Variants in NOTCH2NLC observed in about 807,000 individuals in gnomAD.
The protein encoded by NOTCH2NLC is notch 2 N-terminal like C, also known as notch homolog 2 N-terminal-like protein C.
NOTCH2NLC carries 4 observed loss-of-function variants against 17.7 expected under a neutral mutation model. The ratio of observed to expected loss-of-function variants is 0.23; its 90% CI spans 0.11 to 0.52. NOTCH2NLC has a LOEUF of 0.52. Ranked by LOEUF, NOTCH2NLC falls within the 20% of genes least tolerant of loss-of-function variation. NOTCH2NLC has a pLI of 0.96. For missense variants in NOTCH2NLC, 57 were observed against 207.2 expected, an observed-to-expected ratio of 0.28 and a Z score of 4.45; for synonymous variants, 18 against 86.0, an observed-to-expected ratio of 0.21 and a Z score of 4.38.
rs1157533235 is a variant in NOTCH2NLC, at chr1:149,430,661, T to C, written c.136-281T>C. 6.9e-3 allele frequency among the ~76,000 whole-genome samples: 1,025 copies of C among 148,766 alleles called. 20 individuals carry two copies. The highest frequency in any genetic ancestry group is 0.011 in the Non-Finnish European group (724 of 66,776). Reference sequence around the variant, plus strand: ...TGTCATAGATGGTATGGCTTTAATTTTTAATTGGGAGATGGAGATGTAACA... The same window carrying C: ...TGTCATAGATGGTATGGCTTTAATTCTTAATTGGGAGATGGAGATGTAACA... On this transcript the variant is annotated intron_variant, in intron 1 of 4. Coordinates refer to ENST00000650865, the MANE Select transcript of NOTCH2NLC (RefSeq NM_001364013.2).
intron 1 of NOTCH2NLC, among the ~76,000 whole-genome samples, chr1:149,430,508 T>C (rs1308573885): frequency 3.4e-5 from 5 of 147,584 alleles, no homozygotes; most frequent in Non-Finnish European, 6.0e-5. Context: ...TTTTAAAACT[T>C]CACCTGAAGG....
At chr1:149,412,769 C>T (rs1190838207) in intron 1 of NOTCH2NLC, among the ~76,000 whole-genome samples, 16 of 120,690 alleles carry the variant, frequency 1.3e-4, no homozygotes, top group Admixed American at 3.5e-4. Flanking sequence ...GCTGAGATCA[C>T]GCCATTGCAC....
chr1:149,413,740 T>A (rs1286943610), intron 1 of NOTCH2NLC, among the ~76,000 whole-genome samples: 1 of 151,204 alleles, frequency 6.6e-6, no homozygotes, highest in East Asian at 2.0e-4. Flanking sequence ...TTTTGCTAGA[T>A]CATATATCTT....
chr1:149,400,112 T>TATATATA (rs2084234324), intron 1 of NOTCH2NLC, among the ~76,000 whole-genome samples: 7 of 138,764 alleles, frequency 5.0e-5, no homozygotes, highest in Admixed American at 3.6e-4. Context: ...GTTGATTTAT[T>TATATATA]TATATATATA....
chr1:149,446,498 C>CTT (rs1244683865), intron 2 of NOTCH2NLC, among the ~76,000 whole-genome samples: 1 of 142,380 alleles, frequency 7.0e-6, no homozygotes. Context: ...AGAAATGACA[C>CTT]TTTTTTTTTT....
rs1399369495 is a variant in NOTCH2NLC at position 149,471,363 on chromosome 1, C to T, written c.*7210C>T. Among the ~76,000 whole-genome samples, 1 of 149,336 alleles carries T rather than the reference C, an allele frequency of 6.7e-6. No individual in the cohort carries two copies. Among genetic ancestry groups the T allele is most frequent in the Non-Finnish European group, 1.5e-5 (1 of 67,152 alleles). On this transcript the variant is annotated 3_prime_UTR_variant, in exon 5 of 5. Coordinates refer to ENST00000650865, the MANE Select transcript of NOTCH2NLC (RefSeq NM_001364013.2). ...TTTATTTTTTCTTTTGTTGCTTGTG[C>T]TTTCAGTCATATTTGTGAAAACTTT... is the stretch of plus-strand genomic sequence containing the variant.
intron 1 of NOTCH2NLC, among the ~76,000 whole-genome samples, chr1:149,427,383 TGCCTTATTTCACTTA>T (rs1463648738): frequency 1.3e-5 from 2 of 149,282 alleles, no homozygotes; most frequent in Non-Finnish European, 3.0e-5. Context: ...TGTCTTCCTG[TGCCTTATTTCACTTA>T]GCATAATGTT....
intron 2 of NOTCH2NLC, among the ~76,000 whole-genome samples, chr1:149,445,901 TAAAAAAA>T (rs1182076544): frequency 1.7e-4 from 12 of 72,616 alleles, no homozygotes; most frequent in African/African-American, 4.3e-4. Context: ...ATCCTCGTTT[TAAAAAAA>T]AAAAAAAAAA....
chr1:149,426,874 A>T lies in NOTCH2NLC; in HGVS notation c.136-4068A>T, dbSNP rs1187250587. Among the ~76,000 whole-genome samples the T allele has an allele frequency of 1.5e-3, 223 of 150,830 alleles. 4 individuals are homozygous for T. Among genetic ancestry groups the T allele is most frequent in the African/African-American group, 5.0e-3 (206 of 41,238 alleles). The stretch of plus-strand genomic sequence containing the variant: ...TTGGAAAAAAGTAAATTGAATTTTG[A>T]AATGAGATCTGTCCCGGTCTCACTT... On this transcript the variant is annotated intron_variant, in intron 1 of 4. Coordinates refer to ENST00000650865, the MANE Select transcript of NOTCH2NLC (RefSeq NM_001364013.2).
At chr1:149,429,496 G>T (rs2084432043) in intron 1 of NOTCH2NLC, among the ~76,000 whole-genome samples, 1 of 150,394 alleles carries the variant, frequency 6.6e-6, no homozygotes, top group South Asian at 2.1e-4. Flanking sequence ...TCTAAGGGTT[G>T]TTGTGAAGAT....
At chr1:149,429,813 G>T (rs1209462937) in intron 1 of NOTCH2NLC, among the ~76,000 whole-genome samples, 7,742 of 146,620 alleles carry the variant, frequency 0.053, 305 homozygotes, top group African/African-American at 0.066. Context: ...AGTGGTGTGG[G>T]TAGAGGAAAC....
intron 2 of NOTCH2NLC, among the ~76,000 whole-genome samples, chr1:149,432,194 TATCCA>T (rs1327828808): frequency 6.9e-6 from 1 of 144,276 alleles, no homozygotes. Context: ...TAAGTGAGTT[TATCCA>T]ACACATTTTT....
chr1:149,416,772 G>A (rs2084337749), intron 1 of NOTCH2NLC, among the ~76,000 whole-genome samples: 1 of 149,056 alleles, frequency 6.7e-6, no homozygotes, highest in South Asian at 2.2e-4. Flanking sequence ...AGTGTAGTAT[G>A]TTGAATCCTA....
chr1:149,393,069 CAAAAAAA>C (rs1158506660), intron 1 of NOTCH2NLC, among the ~76,000 whole-genome samples: 1,045 of 43,022 alleles, frequency 0.024, 16 homozygotes, highest in Non-Finnish European at 0.039. Flanking sequence ...GACTCCGTCT[CAAAAAAA>C]AAAAAAAAAA....
At chr1:149,435,890 C>A (rs1371153908) in intron 2 of NOTCH2NLC, among the ~76,000 whole-genome samples, 6 of 148,870 alleles carry the variant, frequency 4.0e-5, no homozygotes, top group Admixed American at 6.7e-5. Flanking sequence ...TGGGGTGTAC[C>A]TTCACGATAA....
intron 1 of NOTCH2NLC, among the ~76,000 whole-genome samples, chr1:149,396,065 T>C (rs1371243894): frequency 2.6e-5 from 4 of 150,996 alleles, no homozygotes; most frequent in African/African-American, 9.7e-5. Flanking sequence ...TGACTCCTGC[T>C]TTCCCACCTT....
chr1:149,446,817 TGAGA>T (rs1394448036), intron 2 of NOTCH2NLC, among the ~76,000 whole-genome samples: 1 of 110,048 alleles, frequency 9.1e-6, no homozygotes, highest in Non-Finnish European at 1.9e-5. Flanking sequence ...TAGAAGTCAC[TGAGA>T]GACATTGAAG....
chr1:149,398,915 C>T (rs2084227745), intron 1 of NOTCH2NLC, among the ~76,000 whole-genome samples: 1 of 152,176 alleles, frequency 6.6e-6, no homozygotes, highest in Admixed American at 6.5e-5. Flanking sequence ...CAGGTTGGAT[C>T]TATGGGTGTT....
chr1:149,414,316 G>A (rs1372167689), intron 1 of NOTCH2NLC, among the ~76,000 whole-genome samples: 1 of 150,172 alleles, frequency 6.7e-6, no homozygotes, highest in Non-Finnish European at 1.5e-5. Flanking sequence ...TGACATGTTA[G>A]CCAGAGGTGT....
Sources: allele counts gnomAD v4.1 joint callset (sites outside exome capture counted in the v4.1 genomes callset), GRCh38; gene constraint gnomAD v4.1.1; transcripts MANE v1.5; gene names NCBI Gene and HGNC (gene_info 2026-07-23, HGNC 2026-07-21).